The following PCYT1A variants were observed in gnomAD, a reference collection of about 807,000 sequenced individuals.
PCYT1A encodes the protein phosphate cytidylyltransferase 1A, choline.
Under a neutral mutation model 43.7 loss-of-function variants are expected in PCYT1A, and 25 were observed. That is an observed-to-expected ratio of 0.57 (90% CI 0.42 to 0.80). PCYT1A has a LOEUF of 0.80. Ranked by LOEUF, PCYT1A falls within the 30% of genes least tolerant of loss-of-function variation. The pLI is 0.00. For missense variants in PCYT1A, 421 were observed against 474.2 expected (o/e 0.89, Z 1.04); for synonymous variants, 172 against 170.7 (o/e 1.01, Z -0.06).
rs369739799 is a variant in PCYT1A at position 196,267,539 on chromosome 3, C to A, written c.117+2876G>T. Among the ~76,000 whole-genome samples the A allele has an allele frequency of 2.6e-5, 4 of 152,082 alleles. No individual in the cohort carries two copies. In the South Asian group the frequency reaches 6.2e-4, roughly 24 times the overall value. ...GACCAGTCTGGGTAACATAGTGAGACCCCATCCCTACAAAAACAAATTTAA... is the reference window on the plus strand; with the variant it reads ...GACCAGTCTGGGTAACATAGTGAGAACCCATCCCTACAAAAACAAATTTAA... On this transcript the variant is annotated intron_variant, in intron 2 of 8. Transcript: ENST00000431016.
In PCYT1A at chr3:196,235,670, G is replaced by T. The variant is rs1322531107; in HGVS notation, c.*3018C>A. The T allele has an allele frequency of 6.6e-6, 1 of 152,256 alleles. No homozygotes were observed. Among genetic ancestry groups the T allele is most frequent in the East Asian group, 1.9e-4 (1 of 5,200 alleles). The allele number at this position is 152,256 out of a possible 1,614,324, so 9.4% of individuals were successfully genotyped here. A position where few individuals can be genotyped will look rare whatever the true frequency, so the allele number is the denominator to read the frequency against. On this transcript the variant is annotated 3_prime_UTR_variant, in exon 9 of 9. Transcript: ENST00000431016. The surrounding 1 kb of genome is among the most constrained non-coding windows in gnomAD (Gnocchi z 4.3). ...CTAATGTCTCACACACAGAGGCTCT[G>T]CTCTAAGGCCAACACTTCTGGCTCT...
chr3:196,256,214 C>A (rs912526299), intron 3 of PCYT1A, among the ~76,000 whole-genome samples: 7 of 152,150 alleles, frequency 4.6e-5, no homozygotes, highest in African/African-American at 9.7e-5. Context: ...CGGCATTGGC[C>A]GGCGCGGTGG....
chr3:196,247,223 G>A lies in PCYT1A; in HGVS notation c.486+144C>T. On this transcript the variant is annotated intron_variant, in intron 5 of 8. Coordinates refer to ENST00000431016, the MANE Select transcript of PCYT1A (RefSeq NM_001312673.2). The surrounding 1 kb of genome is among the most constrained non-coding windows in gnomAD (Gnocchi z 4.8). ...ACGTCAGGGGTGACTGTTATCACTA[G>A]TAATATCACTGTCATCTCCTACGAA... 1 of 819,896 alleles carries A rather than the reference G, an allele frequency of 1.2e-6. No homozygotes were observed. 50.8% of individuals were successfully genotyped at this position (819,896 alleles called of 1,614,324 possible). A position where few individuals can be genotyped will look rare whatever the true frequency, so the allele number is the denominator to read the frequency against.
intron 3 of PCYT1A, chr3:196,250,703 T>C (rs955402758): frequency 6.0e-6 from 1 of 166,174 alleles, no homozygotes; most frequent in Non-Finnish European, 1.3e-5. Context: ...GAGGATCAGA[T>C]ACACTATGCT....
intron 2 of PCYT1A, among the ~76,000 whole-genome samples, chr3:196,267,659 G>A (rs1156461052): frequency 6.6e-6 from 1 of 151,916 alleles, no homozygotes; most frequent in Non-Finnish European, 1.5e-5. Flanking sequence ...TGAGGCTGCA[G>A]TGAACTATGA....
chr3:196,242,374 T>G lies in PCYT1A; in HGVS notation c.565+188A>C, dbSNP rs550387575. On this transcript the variant is annotated intron_variant, in intron 6 of 8. Coordinates refer to ENST00000431016, the MANE Select transcript of PCYT1A (RefSeq NM_001312673.2). The surrounding 1 kb of genome is among the most constrained non-coding windows in gnomAD (Gnocchi z 4.2). ...AGTAGATGTTTAGACCAAGAATTGATGGATGTCATGAACTGACGACAAAGA... is the reference window on the plus strand; with the variant it reads ...AGTAGATGTTTAGACCAAGAATTGAGGGATGTCATGAACTGACGACAAAGA... The G allele has an allele frequency of 1.4e-6, 1 of 705,654 alleles. No individual in the cohort carries two copies. Among genetic ancestry groups the G allele is most frequent in the Non-Finnish European group, 2.6e-6 (1 of 380,820 alleles). The allele number at this position is 705,654 out of a possible 1,614,324, so 43.7% of individuals were successfully genotyped here.
chr3:196,238,394 A>G lies in PCYT1A; in HGVS notation c.*294T>C. The G allele has an allele frequency of 3.8e-6, 1 of 261,292 alleles. No individual in the cohort carries two copies. Among genetic ancestry groups the G allele is most frequent in the Non-Finnish European group, 7.2e-6 (1 of 138,784 alleles). The allele number at this position is 261,292 out of a possible 1,614,324, so 16.2% of individuals were successfully genotyped here. ...ATTTTTTAAAAAATTAATGAAAATGACAATTTCCCTGTTGAGATCACGTGA... is the reference window on the plus strand; with the variant it reads ...ATTTTTTAAAAAATTAATGAAAATGGCAATTTCCCTGTTGAGATCACGTGA... On this transcript the variant is annotated 3_prime_UTR_variant, in exon 9 of 9. Transcript: ENST00000431016.
intron 1 of PCYT1A, among the ~76,000 whole-genome samples, chr3:196,286,852 T>G (rs1279653057): frequency 6.6e-6 from 1 of 152,178 alleles, no homozygotes; most frequent in African/African-American, 2.4e-5. Context: ...AGGCGGAGGT[T>G]GCGGTGAGCT....
At chr3:196,248,954 G>T (rs998889320) in intron 3 of PCYT1A, among the ~76,000 whole-genome samples, 3 of 150,510 alleles carry the variant, frequency 2.0e-5, no homozygotes, top group Non-Finnish European at 3.0e-5. Context: ...TAGAGATGGG[G>T]TTTCACAGTG....
rs1376318721 is a variant in PCYT1A, at chr3:196,263,651, T to G, written c.118-5764A>C. Among the ~76,000 whole-genome samples, 3 of 152,178 alleles carry G rather than the reference T, an allele frequency of 2.0e-5. No homozygotes were observed. In the East Asian group the frequency reaches 5.8e-4, roughly 29 times the overall value. ...TCTGTTTTTTTGTTTTGTTTTGTTT[T>G]GAGACAGAGTCTTGCTCTGTCGCCA... On this transcript the variant is annotated intron_variant, in intron 2 of 8. Coordinates refer to ENST00000431016, the MANE Select transcript of PCYT1A (RefSeq NM_001312673.2).
At chr3:196,286,211 C>T (rs1423320087) in intron 1 of PCYT1A, among the ~76,000 whole-genome samples, 2 of 151,978 alleles carry the variant, frequency 1.3e-5, no homozygotes, top group East Asian at 3.9e-4. Context: ...TCCAGGCATG[C>T]GCCACCACAC....
rs1445036447 is a variant in PCYT1A, at chr3:196,259,279, A to AT, written c.118-1393dup. Among the ~76,000 whole-genome samples, 15 of 151,924 alleles carry AT rather than the reference A, an allele frequency of 9.9e-5. No homozygotes were observed. The East Asian group carries it at 2.5e-3, about 25-fold the overall frequency. On this transcript the variant is annotated intron_variant, in intron 2 of 8. Transcript: ENST00000431016. ...TTTAACTTGATATAAGTCTATTAAG[A>AT]TTTTCTCCTTTGTCTTGGTTAGTTT...
intron 5 of PCYT1A, among the ~76,000 whole-genome samples, chr3:196,244,262 C>T (rs1431993046): frequency 4.8e-5 from 7 of 144,732 alleles, no homozygotes; most frequent in Non-Finnish European, 7.6e-5. Context: ...TCTGCCTGGC[C>T]GCCCATCGTC....
Position 196,270,555 on chromosome 3 carries a change from G to T in PCYT1A, c.-10-14C>A. 1 of 1,569,166 alleles carries T rather than the reference G, an allele frequency of 6.4e-7. No individual in the cohort carries two copies. Among genetic ancestry groups the T allele is most frequent in the Non-Finnish European group, 8.8e-7 (1 of 1,139,080 alleles). ...ATCTTCTTTTAACTGGTCATAGAAA[G>T]TGAAAACAAAAATTTTCTCATTGGG... On this transcript the variant is annotated splice_polypyrimidine_tract_variant and intron_variant, in intron 1 of 8. Transcript: ENST00000431016.
Position 196,270,535 on chromosome 3 carries a change from C to T in PCYT1A, c.-4G>A. On this transcript the variant is annotated 5_prime_UTR_variant, in exon 2 of 9. Transcript: ENST00000431016. ...TGGCTGAACACTGTGCATCCATCTT[C>T]TTTTAACTGGTCATAGAAAGTGAAA... The T allele has an allele frequency of 6.2e-7, 1 of 1,606,644 alleles. No homozygotes were observed. The highest frequency in any genetic ancestry group is 1.1e-5 in the South Asian group (1 of 90,906).
chr3:196,247,810 A>G lies in PCYT1A; in HGVS notation c.335-292T>C, dbSNP rs368742984. 7 of 562,342 alleles carry G rather than the reference A, an allele frequency of 1.2e-5. No homozygotes were observed. Among genetic ancestry groups the G allele is most frequent in the East Asian group, 3.4e-5 (1 of 29,512 alleles). 34.8% of individuals were successfully genotyped at this position (562,342 alleles called of 1,614,324 possible). Reference sequence around the variant, plus strand: ...AAACCTGCTGTGCGTGTCTGCATCAATTAAGTCCTTAAACATGTTTTCCTG... The same window carrying G: ...AAACCTGCTGTGCGTGTCTGCATCAGTTAAGTCCTTAAACATGTTTTCCTG... On this transcript the variant is annotated intron_variant, in intron 4 of 8. Transcript: ENST00000431016. The surrounding 1 kb of genome is among the most constrained non-coding windows in gnomAD (Gnocchi z 4.8).
At position 196,247,603 on chromosome 3, in the gene PCYT1A, C is replaced by T; in HGVS notation, c.335-85G>A. ...CACCGACCTCTCCCATCTTCTCCCA[C>T]TGCTTAGGACTGCAACCATCTTCCC... On this transcript the variant is annotated intron_variant, in intron 4 of 8. Coordinates refer to ENST00000431016, the MANE Select transcript of PCYT1A (RefSeq NM_001312673.2). The surrounding 1 kb of genome is among the most constrained non-coding windows in gnomAD (Gnocchi z 4.8). The T allele has an allele frequency of 1.6e-6, 2 of 1,255,166 alleles. No individual in the cohort carries two copies. The highest frequency in any genetic ancestry group is 4.6e-5 in the East Asian group (2 of 43,040). The allele number at this position is 1,255,166 out of a possible 1,614,324, so 77.8% of individuals were successfully genotyped here.
At chr3:196,256,392 G>A (rs113214859) in intron 3 of PCYT1A, among the ~76,000 whole-genome samples, 17,739 of 151,878 alleles carry the variant, frequency 0.12, 1,150 homozygotes, top group South Asian at 0.19. Context: ...CGGGAGGCTG[G>A]GGCAGAAGAA....
intron 3 of PCYT1A, 71 bp downstream of exon 3, chr3:196,257,717 G>A (rs1377113626): frequency 6.3e-6 from 6 of 951,022 alleles, no homozygotes; most frequent in Non-Finnish European, 8.6e-6. Flanking sequence ...GAGAGCAGGT[G>A]TGTATTTGAT....
Sources: gnomAD v4.1 joint callset for allele counts (sites outside exome capture counted in the v4.1 genomes callset) on GRCh38, gnomAD v4.1.1 for gene constraint, Gnocchi (gnomAD v3.1) non-coding constraint, MANE v1.5 for transcripts, NCBI Gene and HGNC (gene_info 2026-07-23, HGNC 2026-07-21) for gene names.